The following VWCE variants were observed in gnomAD, a reference collection of about 807,000 sequenced individuals.
VWCE encodes the protein von Willebrand factor C and EGF domain-containing protein.
A neutral mutation model predicts 102.9 loss-of-function variants in VWCE; 68 were observed. That is an observed-to-expected ratio of 0.66 (90% CI 0.54 to 0.81). The LOEUF is 0.81. Among genes scored for constraint, VWCE ranks in the 30% least tolerant of loss-of-function variants. The pLI is 0.00. For synonymous variants in VWCE, 497 were observed against 515.4 expected, an observed-to-expected ratio of 0.96 and a Z score of 0.48; for missense variants, 1,137 against 1,263.6, an observed-to-expected ratio of 0.90 and a Z score of 1.52.
intron 1 of VWCE, among the ~76,000 whole-genome samples, chr11:61,291,987 C>T (rs1179719779): frequency 2.0e-5 from 3 of 152,146 alleles, no homozygotes; most frequent in Admixed American, 6.5e-5. Context: ...TTTGGGAAGC[C>T]GAAGCAGGCT....
chr11:61,282,010 T>C, intron 6 of VWCE, 96 bp from the exon 7 acceptor site: 1 of 1,520,140 alleles, frequency 6.6e-7, no homozygotes, highest in Non-Finnish European at 8.9e-7. Flanking sequence ...GGAGTTTCTC[T>C]GCCATGTTCT....
Position 61,295,096 on chromosome 11 carries a change from G to A in VWCE, c.-59C>T. 8.9e-7 allele frequency: 1 copy of A among 1,127,882 alleles called. No homozygotes were observed. The highest frequency in any genetic ancestry group is 1.1e-6 in the Non-Finnish European group (1 of 877,534). The allele number at this position is 1,127,882 out of a possible 1,614,324, so 69.9% of individuals were successfully genotyped here. On this transcript the variant is annotated 5_prime_UTR_variant, in exon 1 of 20. Transcript: ENST00000335613. The surrounding 1 kb of genome is among the most constrained non-coding windows in gnomAD (Gnocchi z 4.6). ...GGCTCCTGCGCCGCGCGCGGGAGAG[G>A]GGGCTGCCGGCCCTCGCCCCTCCTC...
In VWCE at chr11:61,294,176, G is replaced by A. The variant is rs941510712; in HGVS notation, c.110+752C>T. Among the ~76,000 whole-genome samples, 1 of 152,184 alleles carries A rather than the reference G, an allele frequency of 6.6e-6. No individual in the cohort carries two copies. The highest frequency in any genetic ancestry group is 2.4e-5 in the African/African-American group (1 of 41,450). ...AGGTGGTGGGAGCCTGTGGAACGCC[G>A]GGGAGTCGGGGCAGGTTCTGAGCAG... On this transcript the variant is annotated intron_variant, in intron 1 of 19. Coordinates refer to ENST00000335613, the MANE Select transcript of VWCE (RefSeq NM_152718.2). This position sits in a 1 kb window ranked among gnomAD's most constrained non-coding sequence, Gnocchi z 6.3.
At chr11:61,291,214 C>T in intron 3 of VWCE, 50 bp downstream of exon 3, 1 of 1,491,706 alleles carries the variant, frequency 6.7e-7, no homozygotes, top group Non-Finnish European at 9.0e-7. Flanking sequence ...AGGACATAAC[C>T]TCAATGCTCA....
intron 19 of VWCE, among the ~76,000 whole-genome samples, chr11:61,260,731 G>A (rs1248521939): frequency 1.3e-5 from 2 of 152,094 alleles, no homozygotes; most frequent in South Asian, 2.1e-4. Flanking sequence ...TTAATAAAGT[G>A]CTGAATATCC....
chr11:61,280,487 G>A (rs965800792), intron 9 of VWCE, 137 bp downstream of exon 9: 9 of 857,924 alleles, frequency 1.0e-5, no homozygotes, highest in Non-Finnish European at 1.6e-5. Flanking sequence ...TGGGAGCAGC[G>A]CCAAGGGAAG....
chr11:61,288,155 CAAAAAAA>C (rs397978316), intron 4 of VWCE, among the ~76,000 whole-genome samples: 3 of 37,288 alleles, frequency 8.0e-5, no homozygotes, highest in Non-Finnish European at 1.2e-4. Context: ...GACTCTGTCT[CAAAAAAA>C]AAAAAAAAAA....
chr11:61,270,011 G>A (rs531545772), intron 14 of VWCE, among the ~76,000 whole-genome samples: 9 of 149,648 alleles, frequency 6.0e-5, no homozygotes, highest in African/African-American at 1.7e-4. Flanking sequence ...TCCGCCTCCC[G>A]GGTTCACGCC....
At chr11:61,276,730 T>A (rs1854929553) in intron 10 of VWCE, 50 bp from the exon 11 acceptor site, 1 of 1,453,164 alleles carries the variant, frequency 6.9e-7, no homozygotes, top group East Asian at 2.5e-5. Context: ...TGGAACAGGG[T>A]TCATTCCCCA....
At chr11:61,262,549 T>C (rs1854391152) in intron 19 of VWCE, among the ~76,000 whole-genome samples, 1 of 152,324 alleles carries the variant, frequency 6.6e-6, no homozygotes, top group East Asian at 1.9e-4. Context: ...AGGGGACTAA[T>C]ATCCACTAGC....
At position 61,281,182 on chromosome 11, in the gene VWCE, G is replaced by C; in HGVS notation, c.841C>G (p.Pro281Ala). ...GGAAGCAACAGAAGCATCTTGGACG[G>C]GTGTTGCCGGGGTTGCAGGATGGCA... The part of the protein sequence containing the change: ...PSAILQPRQH[P>A]SKMLLLLPEA... Residue 281 changes from proline to alanine, a missense_variant, in exon 8 of 20, where the codon CCG becomes GCG. This residue lies in a region of VWCE where 575 missense variants were observed against 625.9 expected (regional missense o/e 0.92). Transcript: ENST00000335613. The C allele has an allele frequency of 6.2e-7, 1 of 1,613,386 alleles. No homozygotes were observed. The highest frequency in any genetic ancestry group is 8.5e-7 in the Non-Finnish European group (1 of 1,180,002).
intron 12 of VWCE, among the ~76,000 whole-genome samples, 181 bp downstream of exon 12, chr11:61,274,318 G>C (rs555810590): frequency 6.6e-5 from 10 of 152,300 alleles, no homozygotes; most frequent in Middle Eastern, 3.4e-3. Flanking sequence ...AGTGTTGAAA[G>C]ATGAAGTTCA....
chr11:61,277,238 G>C (rs1854956618), intron 10 of VWCE, among the ~76,000 whole-genome samples: 1 of 151,694 alleles, frequency 6.6e-6, no homozygotes, highest in Admixed American at 6.6e-5. Context: ...AGTTCGATAA[G>C]GGGTGCTGGT....
rs908701805 is a variant in VWCE, at chr11:61,295,126, C to T, written c.-89G>A. 5 of 808,968 alleles carry T rather than the reference C, an allele frequency of 6.2e-6. No individual in the cohort carries two copies. The highest frequency in any genetic ancestry group is 8.4e-6 in the Non-Finnish European group (5 of 593,276). The allele number at this position is 808,968 out of a possible 1,614,324, so 50.1% of individuals were successfully genotyped here. ...TGCCGGCCCTCGCCCCTCCTCCTGGCGCCGTGGGGAGCGAACCAGCGATCC... is the reference window on the plus strand; with the variant it reads ...TGCCGGCCCTCGCCCCTCCTCCTGGTGCCGTGGGGAGCGAACCAGCGATCC... On this transcript the variant is annotated 5_prime_UTR_variant, in exon 1 of 20. Transcript: ENST00000335613. The surrounding 1 kb of genome is among the most constrained non-coding windows in gnomAD (Gnocchi z 4.6).
At chr11:61,269,151 A>G in intron 14 of VWCE, 133 bp from the exon 15 acceptor site, 1 of 751,122 alleles carries the variant, frequency 1.3e-6, no homozygotes, top group Non-Finnish European at 2.2e-6. Context: ...CGGCTGGAAG[A>G]TGGCAGGTCT....
Position 61,295,091 on chromosome 11 carries a change from G to T in VWCE, c.-54C>A, listed in dbSNP as rs1855634700. The T allele has an allele frequency of 8.6e-7, 1 of 1,168,576 alleles. No homozygotes were observed. The highest frequency in any genetic ancestry group is 3.2e-5 in the East Asian group (1 of 30,840). The allele number at this position is 1,168,576 out of a possible 1,614,324, so 72.4% of individuals were successfully genotyped here. ...GGCTCGGCTCCTGCGCCGCGCGCGG[G>T]AGAGGGGGCTGCCGGCCCTCGCCCC... is the stretch of plus-strand genomic sequence containing the variant. On this transcript the variant is annotated 5_prime_UTR_variant, in exon 1 of 20. Transcript: ENST00000335613. The surrounding 1 kb of genome is among the most constrained non-coding windows in gnomAD (Gnocchi z 4.6).
intron 16 of VWCE, 110 bp downstream of exon 16, chr11:61,267,352 G>A (rs551231869): frequency 7.2e-6 from 8 of 1,118,826 alleles, no homozygotes; most frequent in Non-Finnish European, 5.4e-6. Flanking sequence ...CCATGAACCA[G>A]AAGCATCCCT....
In VWCE at chr11:61,291,252, A is replaced by T. The variant is rs1433715302; in HGVS notation, c.295+12T>A. 6.4e-7 allele frequency: 1 copy of T among 1,563,804 alleles called. No individual in the cohort carries two copies. Among genetic ancestry groups the T allele is most frequent in the South Asian group, 1.2e-5 (1 of 81,750 alleles). ...CATCTGTTCCCATCAGCCCCTTCCC[A>T]TCCCCAGTTACCTGGGCAGGTGGCC... On this transcript the variant is annotated intron_variant, in intron 3 of 19. Coordinates refer to ENST00000335613, the MANE Select transcript of VWCE (RefSeq NM_152718.2).
At chr11:61,289,549 GA>G (rs999820217) in intron 4 of VWCE, among the ~76,000 whole-genome samples, 5 of 148,378 alleles carry the variant, frequency 3.4e-5, no homozygotes, top group African/African-American at 9.9e-5. Flanking sequence ...CAAGCCTAGC[GA>G]AAAAAAAAAT....
Sources: gnomAD v4.1 joint callset for allele counts (sites outside exome capture counted in the v4.1 genomes callset) on GRCh38, gnomAD v4.1.1 for gene constraint, gnomAD v4.1.1 regional missense constraint, Gnocchi (gnomAD v3.1) non-coding constraint, MANE v1.5 for transcripts, NCBI Gene and HGNC (gene_info 2026-07-23, HGNC 2026-07-21) for gene names.